Variants in SBF2 observed in about 807,000 individuals in gnomAD.
The protein encoded by SBF2 is SET binding factor 2.
In SBF2, 112 loss-of-function variants were observed where a neutral mutation model predicts 225.2. That is an observed-to-expected ratio of 0.50 (90% CI 0.43 to 0.58). The LOEUF is 0.58. SBF2 is among the 20% of genes least tolerant of loss of function. SBF2 has a pLI of 0.00. For missense variants in SBF2, 1,996 were observed against 2,206.2 expected (o/e 0.90, Z 1.91); for synonymous variants, 763 against 773.3 (o/e 0.99, Z 0.22).
At chr11:10,014,524 A>G (rs905955844) in intron 6 of SBF2, among the ~76,000 whole-genome samples, 14 of 146,472 alleles carry the variant, frequency 9.6e-5, no homozygotes, top group Admixed American at 6.7e-5. Flanking sequence ...AAAAAAAAAA[A>G]AAAACGAAAA....
At chr11:10,022,952 T>C (rs1419440047) in intron 6 of SBF2, among the ~76,000 whole-genome samples, 2 of 152,150 alleles carry the variant, frequency 1.3e-5, no homozygotes, top group African/African-American at 2.4e-5. Context: ...AAACAATAAG[T>C]AGTGTTTGGT....
At chr11:10,249,560 T>G (rs186905597) in intron 1 of SBF2, among the ~76,000 whole-genome samples, 5 of 152,272 alleles carry the variant, frequency 3.3e-5, no homozygotes, top group African/African-American at 4.8e-5. Flanking sequence ...TCTCATTATT[T>G]TGGCTAAATG....
intron 8 of SBF2, 133 bp downstream of exon 8, chr11:10,000,781 T>C: frequency 3.2e-6 from 2 of 621,918 alleles, no homozygotes; most frequent in Non-Finnish European, 5.8e-6. Flanking sequence ...ATGATATTTT[T>C]CTTCTATCCA....
intron 16 of SBF2, among the ~76,000 whole-genome samples, chr11:9,903,601 G>A (rs1861896879): frequency 6.6e-6 from 1 of 152,182 alleles, no homozygotes; most frequent in Non-Finnish European, 1.5e-5. Flanking sequence ...AAAAGCTTTA[G>A]AACGGGAAAG....
intron 1 of SBF2, among the ~76,000 whole-genome samples, chr11:10,204,365 G>A (rs1957672956): frequency 1.3e-5 from 2 of 151,976 alleles, no homozygotes; most frequent in Non-Finnish European, 2.9e-5. Flanking sequence ...AGCTGGGTGT[G>A]GTGACTCACG....
chr11:9,913,325 T>C (rs1862804690), intron 16 of SBF2, among the ~76,000 whole-genome samples: 1 of 151,996 alleles, frequency 6.6e-6, no homozygotes, highest in African/African-American at 2.4e-5. Context: ...ACATGAAAAA[T>C]TGCTCAACTT....
chr11:9,796,844 G>A (rs894088847), intron 32 of SBF2, among the ~76,000 whole-genome samples: 2 of 152,180 alleles, frequency 1.3e-5, no homozygotes, highest in East Asian at 3.8e-4. Context: ...TGAATGACAT[G>A]GGAGGCAGAA....
At chr11:10,296,695 G>A (rs539867166), upstream of SBF2, among the ~76,000 whole-genome samples, 3 of 152,214 alleles carry the variant, frequency 2.0e-5, no homozygotes, top group Non-Finnish European at 2.9e-5. Flanking sequence ...CTTCAAACAT[G>A]CATGTACATG....
At position 10,251,761 on chromosome 11, in the gene SBF2, T is replaced by C. The variant is rs537556454; in HGVS notation, c.55+42254A>G. Among the ~76,000 whole-genome samples, 58 of 152,324 alleles carry C rather than the reference T, an allele frequency of 3.8e-4. 2 individuals are homozygous for C. The South Asian group carries it at 0.012, about 30-fold the overall frequency. On this transcript the variant is annotated intron_variant, in intron 1 of 39. Transcript: ENST00000256190. ...CATACCTAGAATGTCAAATGGTCTC[T>C]CTTCAACTGGAATGACAAAAGTTGA...
At chr11:10,121,356 A>G (rs1382742414) in intron 2 of SBF2, among the ~76,000 whole-genome samples, 3 of 152,150 alleles carry the variant, frequency 2.0e-5, no homozygotes, top group Non-Finnish European at 2.9e-5. Context: ...TCCTTTTTCT[A>G]TATTCTTTCA....
intron 6 of SBF2, chr11:10,016,832 A>G (rs1948671312): frequency 6.6e-6 from 1 of 152,174 alleles, no homozygotes; most frequent in African/African-American, 2.4e-5. Flanking sequence ...TACATTAATG[A>G]TTTTTATTCC....
At chr11:9,839,144 T>C (rs1855927612) in intron 26 of SBF2, 1 of 322,234 alleles carries the variant, frequency 3.1e-6, no homozygotes, top group Admixed American at 4.5e-5. Flanking sequence ...TAGAAAGAGT[T>C]TGTGGCTCCC....
intron 2 of SBF2, among the ~76,000 whole-genome samples, chr11:10,167,877 G>A (rs1193786615): frequency 6.6e-6 from 1 of 152,220 alleles, no homozygotes; most frequent in East Asian, 1.9e-4. Flanking sequence ...TATCAGCTGG[G>A]TGTGGTGGCA....
At chr11:9,985,673 A>T (rs532508838) in intron 13 of SBF2, among the ~76,000 whole-genome samples, 5 of 152,344 alleles carry the variant, frequency 3.3e-5, no homozygotes, top group African/African-American at 1.2e-4. Flanking sequence ...AACAGTGGTT[A>T]AAAAAGACAA....
chr11:10,030,983 C>G (rs772952911), intron 4 of SBF2, 65 bp downstream of exon 4: 10 of 1,380,688 alleles, frequency 7.2e-6, no homozygotes, highest in Non-Finnish European at 8.2e-6. Context: ...AGAACTTGTA[C>G]CATGGTTCAT....
chr11:9,784,546 A>C (rs1852244798), intron 37 of SBF2, 108 bp from the exon 38 acceptor site: 1 of 872,584 alleles, frequency 1.1e-6, no homozygotes, highest in African/African-American at 1.7e-5. Flanking sequence ...CCCCTAGATG[A>C]TTCAAAAATG....
At chr11:10,277,562 A>G (rs1003351465) in intron 1 of SBF2, among the ~76,000 whole-genome samples, 1 of 152,214 alleles carries the variant, frequency 6.6e-6, no homozygotes, top group East Asian at 1.9e-4. Context: ...CGTTGTCCAA[A>G]AATTCACGTC....
At chr11:9,881,705 T>C (rs929145251) in intron 17 of SBF2, among the ~76,000 whole-genome samples, 1 of 152,010 alleles carries the variant, frequency 6.6e-6, no homozygotes, top group African/African-American at 2.4e-5. Context: ...GATTTTAGCT[T>C]TGGCCAAGTA....
At chr11:10,063,320 T>TA (rs1207455488) in intron 2 of SBF2, among the ~76,000 whole-genome samples, 4 of 114,968 alleles carry the variant, frequency 3.5e-5, no homozygotes, top group Admixed American at 1.0e-4. Flanking sequence ...TAACCTAAAG[T>TA]AAAAAAAATA....
Sources: allele counts gnomAD v4.1 joint callset (sites outside exome capture counted in the v4.1 genomes callset), GRCh38; gene constraint gnomAD v4.1.1; transcripts MANE v1.5; gene names NCBI Gene and HGNC (gene_info 2026-07-23, HGNC 2026-07-21).